Variants in TRAF6 observed in about 807,000 individuals in gnomAD.
TRAF6 encodes the protein TNF receptor associated factor 6, also known as TNF receptor-associated factor 6.
Under a neutral mutation model 48.4 loss-of-function variants are expected in TRAF6, and 10 were observed. The ratio of observed to expected loss-of-function variants is 0.21; its 90% confidence interval spans 0.13 to 0.35. The LOEUF (loss-of-function observed/expected upper bound fraction) is 0.35, where lower values mean the gene tolerates loss of function less well. TRAF6 is among the 10% of genes least tolerant of loss of function. The pLI is 1.00. For synonymous variants in TRAF6, 186 were observed against 219.6 expected (o/e 0.85, Z 1.35); for missense variants, 397 against 661.0 (o/e 0.60, Z 4.38).
chr11:36,492,752 A>T, intron 5 of TRAF6, 124 bp from the exon 6 acceptor site: 1 of 658,774 alleles, frequency 1.5e-6, no homozygotes, highest in South Asian at 2.1e-5. Context: ...GAATAGGTGC[A>T]GCATAAACCA....
At chr11:36,492,524 A>T in intron 6 of TRAF6, 27 bp downstream of exon 6, 1 of 1,541,056 alleles carries the variant, frequency 6.5e-7, no homozygotes, top group Non-Finnish European at 8.9e-7. Flanking sequence ...ACTTATATTC[A>T]AGAATTAAAA....
At chr11:36,506,342 C>T (rs954005440) in intron 1 of TRAF6, among the ~76,000 whole-genome samples, 3 of 152,100 alleles carry the variant, frequency 2.0e-5, no homozygotes, top group Non-Finnish European at 4.4e-5. Context: ...CTAATTTCCA[C>T]TCACACAAGC....
chr11:36,507,632 TACACGCGCGTGTATATATGTATACATAC>T (rs1218178776), intron 1 of TRAF6, among the ~76,000 whole-genome samples: 20 of 5,458 alleles, frequency 3.7e-3, no homozygotes, highest in African/African-American at 5.8e-3. Context: ...TATGTATACA[TACACGCGCGTGTATATATGTATACATAC>T]ACACGCGCGT....
rs993963045 is a variant in TRAF6 at position 36,501,234 on chromosome 11, G to A, written c.282C>T (p.Ile94=). ...PCGHRFCKAC[I]IKSIRDAGHK... Reference sequence around the variant, plus strand: ...TGCTCACGTACCTTATTGATTTTATGATGCAGGCTTTGCAGAACCTATGGC... The same window carrying A: ...TGCTCACGTACCTTATTGATTTTATAATGCAGGCTTTGCAGAACCTATGGC... Residue 94 remains isoleucine, a synonymous_variant, in exon 2 of 7, where the codon ATC becomes ATT. Transcript: ENST00000526995. 2 of 1,601,034 alleles carry A rather than the reference G, an allele frequency of 1.2e-6. No individual in the cohort carries two copies. Among genetic ancestry groups the A allele is most frequent in the East Asian group, 2.2e-5 (1 of 44,680 alleles).
At chr11:36,492,665 T>C (rs1451636433) in intron 5 of TRAF6, 37 bp from the exon 6 acceptor site, 1 of 1,477,390 alleles carries the variant, frequency 6.8e-7, no homozygotes, top group Non-Finnish European at 9.4e-7. Flanking sequence ...ATCTCTTCCT[T>C]GCATATCATT....
chr11:36,501,795 C>T (rs1216303125), intron 1 of TRAF6: 2 of 243,156 alleles, frequency 8.2e-6, no homozygotes, highest in Non-Finnish European at 1.6e-5. Flanking sequence ...AGCTGGGTCC[C>T]TTCAGAAGTT....
intron 4 of TRAF6, 118 bp downstream of exon 4, chr11:36,496,990 G>T (rs1347204489): frequency 2.8e-6 from 3 of 1,065,434 alleles, no homozygotes; most frequent in African/African-American, 1.7e-5. Flanking sequence ...TCCCAAAATT[G>T]ATAATGTAGA....
intron 2 of TRAF6, among the ~76,000 whole-genome samples, chr11:36,499,530 T>A (rs1859687756): frequency 6.6e-6 from 1 of 152,156 alleles, no homozygotes; most frequent in Non-Finnish European, 1.5e-5. Context: ...GCTACCTTCC[T>A]GGGCATGGCA....
Position 36,484,393 on chromosome 11 carries a change from T to C in TRAF6, c.*5445A>G, listed in dbSNP as rs1159096098. ...TTAGGATAACTGCTTACAAATTCCA[T>C]GGCAATAGTTAAGTTCTGAGGAAAA... On this transcript the variant is annotated 3_prime_UTR_variant, in exon 7 of 7. Transcript: ENST00000526995. Among the ~76,000 whole-genome samples, 4 of 152,186 alleles carry C rather than the reference T, an allele frequency of 2.6e-5. No individual in the cohort carries two copies. Among genetic ancestry groups the C allele is most frequent in the African/African-American group, 9.7e-5 (4 of 41,430 alleles).
intron 1 of TRAF6, among the ~76,000 whole-genome samples, chr11:36,505,964 T>C (rs1859778845): frequency 6.6e-6 from 1 of 152,082 alleles, no homozygotes; most frequent in South Asian, 2.1e-4. Context: ...ACAATTACAA[T>C]AGTAACATCA....
At chr11:36,499,894 C>T (rs1859692688) in intron 2 of TRAF6, among the ~76,000 whole-genome samples, 1 of 152,060 alleles carries the variant, frequency 6.6e-6, no homozygotes. Context: ...AAAATCTGCC[C>T]CCCTTCATCC....
Position 36,484,535 on chromosome 11 carries a change from T to C in TRAF6, c.*5303A>G, listed in dbSNP as rs1383991747. Among the ~76,000 whole-genome samples, 1 of 152,242 alleles carries C rather than the reference T, an allele frequency of 6.6e-6. No individual in the cohort carries two copies. The highest frequency in any genetic ancestry group is 1.5e-5 in the Non-Finnish European group (1 of 68,046). ...GAATCCTCCCTGGATTCACAGTGTC[T>C]TTCTTAATAGAGTCATACATTAATG... On this transcript the variant is annotated 3_prime_UTR_variant, in exon 7 of 7. Transcript: ENST00000526995.
At chr11:36,497,010 G>T (rs747148626) in intron 4 of TRAF6, 98 bp downstream of exon 4, 7 of 1,253,080 alleles carry the variant, frequency 5.6e-6, no homozygotes, top group Non-Finnish European at 7.7e-6. Context: ...ACTCAGAGTC[G>T]GAGTCACATC....
intron 1 of TRAF6, among the ~76,000 whole-genome samples, chr11:36,508,544 A>T (rs189445807): frequency 6.6e-6 from 1 of 152,194 alleles, no homozygotes; most frequent in African/African-American, 2.4e-5. Flanking sequence ...AGTTAAAAGA[A>T]GTCAACAAGT....
Position 36,498,568 on chromosome 11 carries a change from T to C in TRAF6, c.369A>G (p.Ala123=). The change falls in exon 3 of 7, where the codon GCA becomes GCG. Residue 123 remains alanine (A), a synonymous_variant. Coordinates refer to ENST00000526995, the MANE Select transcript of TRAF6 (RefSeq NM_004620.4). ...CCATCAGAGAAAGAATCTCACGTTTTGCAAAATTGTCTGGAAATAGTTGAT... is the reference window on the plus strand; with the variant it reads ...CCATCAGAGAAAGAATCTCACGTTTCGCAAAATTGTCTGGAAATAGTTGAT... ...LENQLFPDNF[A]KREILSLMVK... is the part of the protein sequence containing the mutation. The C allele has an allele frequency of 1.2e-6, 2 of 1,613,622 alleles. No homozygotes were observed. Among genetic ancestry groups the C allele is most frequent in the African/African-American group, 1.3e-5 (1 of 75,034 alleles).
intron 5 of TRAF6, among the ~76,000 whole-genome samples, chr11:36,493,384 A>G (rs912610012): frequency 1.3e-5 from 2 of 152,264 alleles, no homozygotes; most frequent in Non-Finnish European, 2.9e-5. Context: ...GGAACAGTGT[A>G]GAACAGGGGC....
rs1859459349 is a variant in TRAF6, at chr11:36,484,806, G to A, written c.*5032C>T. On this transcript the variant is annotated 3_prime_UTR_variant, in exon 7 of 7. Coordinates refer to ENST00000526995, the MANE Select transcript of TRAF6 (RefSeq NM_004620.4). ...CCACAGAAATTAGATAATTTATCAAGTGCAAAAAGAACACGAGAATATTCT... is the reference window on the plus strand; with the variant it reads ...CCACAGAAATTAGATAATTTATCAAATGCAAAAAGAACACGAGAATATTCT... Among the ~76,000 whole-genome samples, 1 of 152,104 alleles carries A rather than the reference G, an allele frequency of 6.6e-6. No homozygotes were observed. Among genetic ancestry groups the A allele is most frequent in the South Asian group, 2.1e-4 (1 of 4,828 alleles).
chr11:36,495,764 T>C (rs917503081), intron 4 of TRAF6, among the ~76,000 whole-genome samples: 1 of 152,082 alleles, frequency 6.6e-6, no homozygotes, highest in African/African-American at 2.4e-5. Flanking sequence ...TGGTGATGCA[T>C]GCCTGTAATC....
intron 5 of TRAF6, among the ~76,000 whole-genome samples, chr11:36,493,214 GAC>G (rs1002566988): frequency 6.6e-6 from 1 of 152,194 alleles, no homozygotes; most frequent in African/African-American, 2.4e-5. Flanking sequence ...GGGACTCTAA[GAC>G]ACATTCTCTA....
Sources: allele counts gnomAD v4.1 joint callset (sites outside exome capture counted in the v4.1 genomes callset), GRCh38; gene constraint gnomAD v4.1.1; transcripts MANE v1.5; gene names NCBI Gene and HGNC (gene_info 2026-07-23, HGNC 2026-07-21).